Variants in CRACR2A observed in about 807,000 individuals in gnomAD.
CRACR2A encodes EF-hand calcium-binding domain-containing protein 4B.
A neutral mutation model predicts 90.5 loss-of-function variants in CRACR2A; 79 were observed. That is an observed-to-expected ratio of 0.87 (90% CI 0.73 to 1.05). The LOEUF is 1.05. Among genes scored for constraint, CRACR2A ranks in the 50% least tolerant of loss-of-function variants. CRACR2A has a pLI of 0.00. For missense variants in CRACR2A, 823 were observed against 897.2 expected (o/e 0.92, Z 1.06); for synonymous variants, 338 against 356.7 (o/e 0.95, Z 0.59).
At chr12:3,739,601 G>A (rs16930744) in intron 1 of CRACR2A, among the ~76,000 whole-genome samples, 23,869 of 152,060 alleles carry the variant, frequency 0.16, 2,065 homozygotes, top group African/African-American at 0.2. Context: ...TCCAGTATCA[G>A]GCCTAAGATA....
In CRACR2A at chr12:3,638,458, C is replaced by G; in HGVS notation, c.1272-4G>C. 1 of 1,534,150 alleles carries G rather than the reference C, an allele frequency of 6.5e-7. No homozygotes were observed. The stretch of plus-strand genomic sequence containing the variant: ...CTCCTCCTCCTCCTCTGACTGGCTA[C>G]TGGGGCGGGGAAGAGAGAAGAGTTG... On this transcript the variant is annotated splice_polypyrimidine_tract_variant and splice_region_variant and intron_variant, in intron 13 of 19. Coordinates refer to ENST00000440314, the MANE Select transcript of CRACR2A (RefSeq NM_001144958.2).
chr12:3,655,092 T>G (rs1269710548), intron 9 of CRACR2A, among the ~76,000 whole-genome samples: 1 of 152,194 alleles, frequency 6.6e-6, no homozygotes, highest in Non-Finnish European at 1.5e-5. Context: ...CAAACCAAGG[T>G]ACATATATCA....
chr12:3,695,940 G>A (rs1166792629), intron 4 of CRACR2A, among the ~76,000 whole-genome samples: 3 of 152,240 alleles, frequency 2.0e-5, no homozygotes. Flanking sequence ...CTGCCCCTGG[G>A]CTAAACCAGC....
At chr12:3,688,399 C>T (rs945980909) in intron 4 of CRACR2A, among the ~76,000 whole-genome samples, 16 of 152,172 alleles carry the variant, frequency 1.1e-4, no homozygotes, top group African/African-American at 3.9e-4. Context: ...TTGATATATT[C>T]TGCATATGAC....
intron 10 of CRACR2A, among the ~76,000 whole-genome samples, chr12:3,650,402 T>C (rs987952396): frequency 4.6e-5 from 7 of 152,236 alleles, no homozygotes; most frequent in African/African-American, 1.7e-4. Context: ...ACAATTCCAA[T>C]TGAGCAACAA....
intron 13 of CRACR2A, chr12:3,640,358 G>T: frequency 2.2e-6 from 1 of 444,650 alleles, no homozygotes; most frequent in Non-Finnish European, 3.4e-6. Flanking sequence ...AAGAGCACAG[G>T]ACCTCACACA....
At position 3,658,945 on chromosome 12, in the gene CRACR2A, T is replaced by C. The variant is rs370998878; in HGVS notation, c.762+619A>G. Among the ~76,000 whole-genome samples, 35 of 152,168 alleles carry C rather than the reference T, an allele frequency of 2.3e-4. No homozygotes were observed. The South Asian group carries it at 7.1e-3, about 31-fold the overall frequency. ...ATGGCAGGGCTTGGGAAGGGGCTGA[T>C]AAGGGTCAGACCAGGAAGAGGGAAG... On this transcript the variant is annotated intron_variant, in intron 8 of 19. Coordinates refer to ENST00000440314, the MANE Select transcript of CRACR2A (RefSeq NM_001144958.2).
chr12:3,739,351 CA>C (rs368108261), intron 1 of CRACR2A, among the ~76,000 whole-genome samples: 8,008 of 152,248 alleles, frequency 0.053, 296 homozygotes, highest in Non-Finnish European at 0.079. Flanking sequence ...CTTATATGAG[CA>C]TTTTTTTGAG....
chr12:3,628,421 G>T (rs1275061672), intron 15 of CRACR2A, among the ~76,000 whole-genome samples: 1 of 152,128 alleles, frequency 6.6e-6, no homozygotes, highest in African/African-American at 2.4e-5. Context: ...AACAGAAGGG[G>T]TAAGAGAAAA....
At chr12:3,747,485 G>A (rs1269987777) in intron 1 of CRACR2A, among the ~76,000 whole-genome samples, 2 of 152,328 alleles carry the variant, frequency 1.3e-5, no homozygotes, top group Non-Finnish European at 2.9e-5. Context: ...GTGAAGGTAT[G>A]TGGTTATGTG....
chr12:3,722,753 A>C (rs1263850167), intron 2 of CRACR2A, among the ~76,000 whole-genome samples: 1 of 152,184 alleles, frequency 6.6e-6, no homozygotes, highest in Non-Finnish European at 1.5e-5. Flanking sequence ...TCTCTCATCC[A>C]CTGGCTTTTT....
At chr12:3,692,964 G>A (rs2137681172) in intron 4 of CRACR2A, among the ~76,000 whole-genome samples, 1 of 152,282 alleles carries the variant, frequency 6.6e-6, no homozygotes, top group East Asian at 1.9e-4. Context: ...TCAGAGTGGG[G>A]CACTGGTGAG....
At position 3,641,570 on chromosome 12, in the gene CRACR2A, A is replaced by G. The variant is rs573717037; in HGVS notation, c.1271+162T>C. 2.0e-4 allele frequency among the ~76,000 whole-genome samples: 30 copies of G among 152,286 alleles called. 1 individual carries two copies. The South Asian group carries it at 6.2e-3, about 32-fold the overall frequency. On this transcript the variant is annotated intron_variant, in intron 13 of 19. Transcript: ENST00000440314. Reference sequence around the variant, plus strand: ...ACATTCCCCCTCTGGCTTAGATGTCAGAACAGGGAGGGGCATGTGTTCCAA... The same window carrying G: ...ACATTCCCCCTCTGGCTTAGATGTCGGAACAGGGAGGGGCATGTGTTCCAA...
intron 7 of CRACR2A, among the ~76,000 whole-genome samples, chr12:3,668,063 T>G (rs1945178962): frequency 6.6e-6 from 1 of 152,232 alleles, no homozygotes; most frequent in African/African-American, 2.4e-5. Flanking sequence ...GGTTTACAAA[T>G]CATGCCCATG....
At chr12:3,683,657 T>C (rs1056642630) in intron 4 of CRACR2A, among the ~76,000 whole-genome samples, 1 of 152,258 alleles carries the variant, frequency 6.6e-6, no homozygotes, top group African/African-American at 2.4e-5. Flanking sequence ...TAGCATTTTA[T>C]ATACTGATAG....
chr12:3,734,784 A>G (rs1271406923), intron 1 of CRACR2A, among the ~76,000 whole-genome samples: 3 of 152,196 alleles, frequency 2.0e-5, no homozygotes, highest in Non-Finnish European at 2.9e-5. Flanking sequence ...AGGCAAATTT[A>G]TGATGTCACT....
At chr12:3,714,331 C>T (rs1418825904) in intron 2 of CRACR2A, among the ~76,000 whole-genome samples, 2 of 152,214 alleles carry the variant, frequency 1.3e-5, no homozygotes, top group Admixed American at 1.3e-4. Context: ...CAAATAAGCA[C>T]TTTTAGATAA....
At chr12:3,638,575 A>G in intron 13 of CRACR2A, 121 bp from the exon 14 acceptor site, 3 of 1,162,206 alleles carry the variant, frequency 2.6e-6, no homozygotes, top group Non-Finnish European at 3.5e-6. Context: ...GGACAAGAGC[A>G]GTCCGGGAGA....
chr12:3,678,338 G>T (rs1945374476), intron 6 of CRACR2A, among the ~76,000 whole-genome samples: 1 of 152,148 alleles, frequency 6.6e-6, no homozygotes. Context: ...CCAAGTAGTG[G>T]CCTGCTAAAA....
Sources: gnomAD v4.1 joint callset for allele counts (sites outside exome capture counted in the v4.1 genomes callset) on GRCh38, gnomAD v4.1.1 for gene constraint, MANE v1.5 for transcripts, NCBI Gene and HGNC (gene_info 2026-07-23, HGNC 2026-07-21) for gene names.